AP1S3: variants seen among roughly 807,000 people sequenced by gnomAD.
AP1S3 encodes AP-1 complex subunit sigma-3.
AP1S3 carries 10 observed loss-of-function variants against 20.9 expected under a neutral mutation model. The ratio of observed to expected loss-of-function variants is 0.48; its 90% confidence interval spans 0.29 to 0.81. The LOEUF (loss-of-function observed/expected upper bound fraction) is 0.81. Among genes scored for constraint, AP1S3 ranks in the 30% least tolerant of loss-of-function variants. The pLI, the probability that AP1S3 is intolerant of heterozygous loss-of-function variation, is 0.08. For synonymous variants in AP1S3, 41 were observed against 61.5 expected, an observed-to-expected ratio of 0.67 and a Z score of 1.56; for missense variants, 154 against 183.8, an observed-to-expected ratio of 0.84 and a Z score of 0.94.
Position 223,757,514 on chromosome 2 carries a change from C to T in AP1S3, c.*1201G>A. The T allele has an allele frequency of 1.2e-6, 1 of 845,358 alleles. No homozygotes were observed. Among genetic ancestry groups the T allele is most frequent in the Middle Eastern group, 6.0e-4 (1 of 1,680 alleles). The allele number at this position is 845,358 out of a possible 1,614,324, so 52.4% of individuals were successfully genotyped here. A position where few individuals can be genotyped will look rare whatever the true frequency, so the allele number is the denominator to read the frequency against. The stretch of plus-strand genomic sequence containing the variant: ...TATTGGCCAGGCTGCTCTCGAACTC[C>T]TGACCTCAAGTGATCCACCTGCCTC... On this transcript the variant is annotated 3_prime_UTR_variant, in exon 5 of 5. Transcript: ENST00000396654.
chr2:223,803,879 CAAA>C (rs530429797), intron 1 of AP1S3, among the ~76,000 whole-genome samples: 3 of 72,122 alleles, frequency 4.2e-5, no homozygotes, highest in Non-Finnish European at 6.6e-5. Flanking sequence ...GACTCCGTCT[CAAA>C]AAAAAAAAAA....
chr2:223,795,859 G>A (rs934753282), intron 1 of AP1S3, among the ~76,000 whole-genome samples: 4 of 152,032 alleles, frequency 2.6e-5, no homozygotes, highest in African/African-American at 4.8e-5. Flanking sequence ...TGAGCATTCA[G>A]TAAATGTCTG....
At chr2:223,774,886 G>C (rs1574693125) in intron 3 of AP1S3, among the ~76,000 whole-genome samples, 1 of 152,124 alleles carries the variant, frequency 6.6e-6, no homozygotes, top group African/African-American at 2.4e-5. Flanking sequence ...CACCAACAAG[G>C]GGAAGAAGAG....
Position 223,755,349 on chromosome 2 carries a change from C to T in AP1S3, c.*3366G>A, listed in dbSNP as rs1318346768. On this transcript the variant is annotated 3_prime_UTR_variant, in exon 5 of 5. Transcript: ENST00000396654. ...AGTTCCTCATTAAAACATGTTAAAA[C>T]ATTTTATTTTGGAAGTTTTATAGAA... Among the ~76,000 whole-genome samples the T allele has an allele frequency of 6.6e-6, 1 of 151,952 alleles. No homozygotes were observed. Among genetic ancestry groups the T allele is most frequent in the Non-Finnish European group, 1.5e-5 (1 of 67,976 alleles).
intron 1 of AP1S3, among the ~76,000 whole-genome samples, chr2:223,790,332 A>C (rs1042385575): frequency 5.3e-5 from 8 of 151,820 alleles, no homozygotes; most frequent in African/African-American, 1.7e-4. Flanking sequence ...CCTGGGTTCA[A>C]GCAATTCTCC....
chr2:223,803,435 C>T (rs1448289658), intron 1 of AP1S3, among the ~76,000 whole-genome samples: 1 of 152,126 alleles, frequency 6.6e-6, no homozygotes, highest in Non-Finnish European at 1.5e-5. Context: ...CTTGCAACAA[C>T]TCATTGGTTT....
At chr2:223,825,486 G>A (rs933567786) in intron 1 of AP1S3, among the ~76,000 whole-genome samples, 4 of 151,964 alleles carry the variant, frequency 2.6e-5, no homozygotes, top group Admixed American at 2.0e-4. Flanking sequence ...AGCTGAAGGC[G>A]GGGTCATCCC....
chr2:223,756,111 G>A lies in AP1S3; in HGVS notation c.*2604C>T, dbSNP rs149813262. ...TCCAGCACTTTGGAAGGCCAAGGCG[G>A]GCGGATCACCTGAGGTCGGCGTTCA... On this transcript the variant is annotated 3_prime_UTR_variant, in exon 5 of 5. Transcript: ENST00000396654. 24,990 of 925,150 alleles carry A rather than the reference G, an allele frequency of 0.027. 469 individuals carry two copies. Among genetic ancestry groups the A allele is most frequent in the East Asian group, 0.16 (1,385 of 8,510 alleles). 57.3% of individuals were successfully genotyped at this position (925,150 alleles called of 1,614,324 possible).
chr2:223,821,382 C>T (rs915507572), intron 1 of AP1S3, among the ~76,000 whole-genome samples: 2 of 152,150 alleles, frequency 1.3e-5, no homozygotes, highest in Admixed American at 6.6e-5. Context: ...GTCTTGAACT[C>T]CTGACCTCAT....
intron 1 of AP1S3, among the ~76,000 whole-genome samples, chr2:223,794,105 T>A (rs1691279974): frequency 6.6e-6 from 1 of 152,176 alleles, no homozygotes; most frequent in Non-Finnish European, 1.5e-5. Flanking sequence ...AATTCCCTTA[T>A]CATTTTGCAT....
chr2:223,811,069 GA>G (rs554388988), intron 1 of AP1S3, among the ~76,000 whole-genome samples: 41 of 150,884 alleles, frequency 2.7e-4, no homozygotes, highest in Non-Finnish European at 5.3e-4. Flanking sequence ...GTAGAGTGGT[GA>G]AGTCTGAGAA....
intron 1 of AP1S3, among the ~76,000 whole-genome samples, chr2:223,793,640 G>A (rs1290449008): frequency 1.3e-5 from 2 of 151,984 alleles, no homozygotes; most frequent in African/African-American, 4.8e-5. Flanking sequence ...GGGATGCTGG[G>A]CTTAATACCT....
chr2:223,831,999 C>A (rs772750949), intron 1 of AP1S3, among the ~76,000 whole-genome samples: 1 of 151,598 alleles, frequency 6.6e-6, no homozygotes, highest in Non-Finnish European at 1.5e-5. Context: ...ATGGCGTGAA[C>A]CCGGGAGGCA....
At chr2:223,787,073 C>T (rs578110898) in intron 1 of AP1S3, among the ~76,000 whole-genome samples, 1 of 152,258 alleles carries the variant, frequency 6.6e-6, no homozygotes, top group East Asian at 1.9e-4. Flanking sequence ...ATGCTGTTCT[C>T]ATGAGAGTCA....
chr2:223,795,121 T>A (rs989724972), intron 1 of AP1S3, among the ~76,000 whole-genome samples: 1 of 152,226 alleles, frequency 6.6e-6, no homozygotes, highest in South Asian at 2.1e-4. Flanking sequence ...TGGTGGCACA[T>A]GCCTGTAATC....
At chr2:223,796,098 A>G (rs998133345) in intron 1 of AP1S3, among the ~76,000 whole-genome samples, 16 of 152,150 alleles carry the variant, frequency 1.1e-4, no homozygotes, top group African/African-American at 3.6e-4. Context: ...GCTTGAACCC[A>G]GGAGGTGGAG....
At chr2:223,772,864 A>G (rs966535150) in intron 3 of AP1S3, among the ~76,000 whole-genome samples, 1 of 152,212 alleles carries the variant, frequency 6.6e-6, no homozygotes, top group Non-Finnish European at 1.5e-5. Context: ...GATTATGTCA[A>G]TGAGAATCAG....
At chr2:223,780,213 C>T (rs1037254993) in intron 1 of AP1S3, among the ~76,000 whole-genome samples, 12 of 147,676 alleles carry the variant, frequency 8.1e-5, no homozygotes, top group East Asian at 2.0e-4. Context: ...CAGACTTAGG[C>T]GATCCTCCCA....
At chr2:223,817,758 A>T (rs1691881801) in intron 1 of AP1S3, among the ~76,000 whole-genome samples, 2 of 152,068 alleles carry the variant, frequency 1.3e-5, no homozygotes, top group African/African-American at 4.8e-5. Context: ...GCTGAAGAAC[A>T]TCAGAGACTA....
Sources: allele counts gnomAD v4.1 joint callset (sites outside exome capture counted in the v4.1 genomes callset), GRCh38; gene constraint gnomAD v4.1.1; transcripts MANE v1.5; gene names NCBI Gene and HGNC (gene_info 2026-07-23, HGNC 2026-07-21).